Variants in CDH4 observed in about 807,000 individuals in gnomAD.
The protein encoded by CDH4 is cadherin-4.
CDH4 carries 33 observed loss-of-function variants against 86.0 expected under a neutral mutation model. The observed-to-expected ratio is 0.38, with a 90% CI of 0.29 to 0.51. The LOEUF (loss-of-function observed/expected upper bound fraction) is 0.51, where lower values mean the gene tolerates loss of function less well. Among genes scored for constraint, CDH4 ranks in the 20% least tolerant of loss-of-function variants. CDH4 has a pLI of 0.86. For synonymous variants in CDH4, 555 were observed against 549.4 expected (o/e 1.01, Z -0.14); for missense variants, 1,114 against 1,307.4 (o/e 0.85, Z 2.28).
At chr20:61,705,226 C>T (rs1453123784) in intron 2 of CDH4, among the ~76,000 whole-genome samples, 1 of 152,248 alleles carries the variant, frequency 6.6e-6, no homozygotes, top group African/African-American at 2.4e-5. Context: ...CCTGAGCTAA[C>T]TCAAGACCCC....
chr20:61,568,321 G>C (rs541554331), intron 2 of CDH4, among the ~76,000 whole-genome samples: 1 of 152,294 alleles, frequency 6.6e-6, no homozygotes, highest in East Asian at 1.9e-4. Context: ...GTTCTCACCA[G>C]ATCTGATGGT....
intron 2 of CDH4, among the ~76,000 whole-genome samples, chr20:61,360,871 A>G (rs1322960900): frequency 6.6e-6 from 1 of 152,242 alleles, no homozygotes; most frequent in Admixed American, 6.5e-5. Flanking sequence ...TTTTAACCCC[A>G]TCCATCAAAC....
chr20:61,519,885 C>T (rs1318842623), intron 2 of CDH4, among the ~76,000 whole-genome samples: 1 of 152,156 alleles, frequency 6.6e-6, no homozygotes, highest in Non-Finnish European at 1.5e-5. Flanking sequence ...CTCGTCATGC[C>T]CACCTGAGAC....
intron 2 of CDH4, among the ~76,000 whole-genome samples, chr20:61,677,984 A>T (rs2087464359): frequency 6.6e-6 from 1 of 152,216 alleles, no homozygotes; most frequent in Non-Finnish European, 1.5e-5. Flanking sequence ...AGATGGATAG[A>T]TGATACATAG....
chr20:61,817,536 A>G (rs1980784180), intron 4 of CDH4, among the ~76,000 whole-genome samples: 1 of 151,732 alleles, frequency 6.6e-6, no homozygotes, highest in Non-Finnish European at 1.5e-5. Flanking sequence ...ACCTCGTTCT[A>G]TTGCTCAGGC....
At chr20:61,794,547 T>A (rs1979423475) in intron 4 of CDH4, among the ~76,000 whole-genome samples, 1 of 152,210 alleles carries the variant, frequency 6.6e-6, no homozygotes, top group African/African-American at 2.4e-5. Flanking sequence ...GAAAGGCCAC[T>A]GGCAAAGAGT....
At chr20:61,866,882 C>G (rs1342056311) in intron 6 of CDH4, among the ~76,000 whole-genome samples, 1 of 152,210 alleles carries the variant, frequency 6.6e-6, no homozygotes, top group Non-Finnish European at 1.5e-5. Flanking sequence ...CGCAGTTGGC[C>G]GGAAAGCAGG....
At chr20:61,637,224 G>A (rs942642213) in intron 2 of CDH4, among the ~76,000 whole-genome samples, 49 of 152,364 alleles carry the variant, frequency 3.2e-4, no homozygotes, top group African/African-American at 1.1e-3. Context: ...GGGGCACGAG[G>A]AAGCTAGTGA....
At position 61,807,498 on chromosome 20, in the gene CDH4, C is replaced by T. The variant is rs1980199356; in HGVS notation, c.576+34316C>T. Among the ~76,000 whole-genome samples, 1 of 152,212 alleles carries T rather than the reference C, an allele frequency of 6.6e-6. No individual in the cohort carries two copies. Among genetic ancestry groups the T allele is most frequent in the South Asian group, 2.1e-4 (1 of 4,828 alleles). ...CTCCCTCCTCTTTCTACTCCATCTC[C>T]TCCCGGCTGGGAAGTTGCAGCCCTT... On this transcript the variant is annotated intron_variant, in intron 4 of 15. Transcript: ENST00000614565. This position sits in a 1 kb window ranked among gnomAD's most constrained non-coding sequence, Gnocchi z 4.5.
At chr20:61,511,770 C>T (rs6089233) in intron 2 of CDH4, among the ~76,000 whole-genome samples, 1 of 152,226 alleles carries the variant, frequency 6.6e-6, no homozygotes, top group Non-Finnish European at 1.5e-5. Context: ...ATCACTTTGC[C>T]TAAGATTAAG....
chr20:61,438,827 A>T (rs1263183283), intron 2 of CDH4, among the ~76,000 whole-genome samples: 2 of 152,178 alleles, frequency 1.3e-5, no homozygotes, highest in African/African-American at 4.8e-5. Context: ...AAATCCTGCC[A>T]TGTTATTAAA....
chr20:61,611,660 C>T (rs964304255), intron 2 of CDH4, among the ~76,000 whole-genome samples: 4 of 152,130 alleles, frequency 2.6e-5, no homozygotes, highest in Admixed American at 1.3e-4. Flanking sequence ...CTAGCATGAG[C>T]GATTCCTCCT....
intron 12 of CDH4, 151 bp from the exon 13 acceptor site, chr20:61,929,458 T>C: frequency 1.6e-6 from 1 of 627,154 alleles, no homozygotes; most frequent in Non-Finnish European, 2.8e-6. Flanking sequence ...TTTAACTTAA[T>C]GATGTAGCAC....
At position 61,933,006 on chromosome 20, in the gene CDH4, T is replaced by C. The variant is rs367818457; in HGVS notation, c.2261T>C (p.Met754Thr). ...ILLTMVLLFV[M>T]WMKRREKERH... ...ACAGCCATGGTCCTGCTGTTTGTCATGTGGATGAAGCGGCGAGAGAAGGAG... is the reference window on the plus strand; with the variant it reads ...ACAGCCATGGTCCTGCTGTTTGTCACGTGGATGAAGCGGCGAGAGAAGGAG... Residue 754 changes from methionine (M) to threonine (T), a missense_variant, in exon 14 of 16, where the codon ATG becomes ACG. Met to Thr is a moderately conservative substitution (Grantham distance 81, BLOSUM62 -1). Coordinates refer to ENST00000614565, the MANE Select transcript of CDH4 (RefSeq NM_001794.5). 2.1e-5 allele frequency: 34 copies of C among 1,613,110 alleles called. No homozygotes were observed. The highest frequency in any genetic ancestry group is 2.7e-5 in the Non-Finnish European group (32 of 1,179,938).
chr20:61,617,640 G>C (rs539826591), intron 2 of CDH4, among the ~76,000 whole-genome samples: 1 of 152,216 alleles, frequency 6.6e-6, no homozygotes, highest in Non-Finnish European at 1.5e-5. Flanking sequence ...AGCCTCTGAC[G>C]TGAAAAGGTG....
chr20:61,665,064 G>A (rs1456902510), intron 2 of CDH4, among the ~76,000 whole-genome samples: 2 of 152,384 alleles, frequency 1.3e-5, no homozygotes, highest in East Asian at 1.9e-4. Context: ...ACGTGGGGAC[G>A]TCGCTGGCAC....
rs1024202039 is a variant in CDH4 at position 61,393,394 on chromosome 20, C to A, written c.169+138457C>A. On this transcript the variant is annotated intron_variant, in intron 2 of 15. Transcript: ENST00000614565. This position sits in a 1 kb window ranked among gnomAD's most constrained non-coding sequence, Gnocchi z 4.3. Reference sequence around the variant, plus strand: ...CCTAGCTTGTGTATGGATCAACAACCACCAGCCCCTCTGATGTCGAGGACC... The same window carrying A: ...CCTAGCTTGTGTATGGATCAACAACAACCAGCCCCTCTGATGTCGAGGACC... Among the ~76,000 whole-genome samples, 2 of 152,110 alleles carry A rather than the reference C, an allele frequency of 1.3e-5. No homozygotes were observed. The highest frequency in any genetic ancestry group is 4.8e-5 in the African/African-American group (2 of 41,402).
At chr20:61,421,180 G>A (rs958360483) in intron 2 of CDH4, among the ~76,000 whole-genome samples, 1 of 152,188 alleles carries the variant, frequency 6.6e-6, no homozygotes, top group African/African-American at 2.4e-5. Context: ...AGGCTCCTGG[G>A]GCCGATGTCT....
In CDH4 at chr20:61,807,053, CAG is replaced by C. The variant is rs1461953833; in HGVS notation, c.576+33872_576+33873del. Among the ~76,000 whole-genome samples, 1 of 152,176 alleles carries C rather than the reference CAG, an allele frequency of 6.6e-6. No homozygotes were observed. The highest frequency in any genetic ancestry group is 1.9e-4 in the East Asian group (1 of 5,186). On this transcript the variant is annotated intron_variant, in intron 4 of 15. Transcript: ENST00000614565. The surrounding 1 kb of genome is among the most constrained non-coding windows in gnomAD (Gnocchi z 4.5). Reference sequence around the variant, plus strand: ...ATAATGGGTTGCTAAGAAACTGACACAGGAGATGATTTTGAAAATGTCTCGCT... The same window carrying C: ...ATAATGGGTTGCTAAGAAACTGACACGAGATGATTTTGAAAATGTCTCGCT...
Sources: gnomAD v4.1 joint callset for allele counts (sites outside exome capture counted in the v4.1 genomes callset) on GRCh38, gnomAD v4.1.1 for gene constraint, Gnocchi (gnomAD v3.1) non-coding constraint, MANE v1.5 for transcripts, NCBI Gene and HGNC (gene_info 2026-07-23, HGNC 2026-07-21) for gene names.